The following TERF1 variants were observed in gnomAD, a reference collection of about 807,000 sequenced individuals.
TERF1 encodes the protein telomeric repeat-binding factor 1.
TERF1 carries 20 observed loss-of-function variants against 55.1 expected under a neutral mutation model. The ratio of observed to expected loss-of-function variants is 0.36; its 90% CI spans 0.26 to 0.53. The LOEUF (loss-of-function observed/expected upper bound fraction) is 0.53. TERF1 is among the 20% of genes least tolerant of loss of function. TERF1 has a pLI of 0.91. For missense variants in TERF1, 439 were observed against 535.7 expected (o/e 0.82, Z 1.78); for synonymous variants, 168 against 181.2 (o/e 0.93, Z 0.59).
At chr8:73,015,411 A>G (rs538624104) in intron 2 of TERF1, among the ~76,000 whole-genome samples, 51 of 151,748 alleles carry the variant, frequency 3.4e-4, no homozygotes, top group Admixed American at 8.5e-4. Flanking sequence ...AGCTATGTTA[A>G]GAAAAGTAGG....
intron 4 of TERF1, 35 bp from the exon 5 acceptor site, chr8:73,024,787 G>C (rs762526658): frequency 6.9e-7 from 1 of 1,455,652 alleles, no homozygotes; most frequent in South Asian, 1.3e-5. Flanking sequence ...AACTTTGTGT[G>C]ATTTATGTTA....
Position 73,008,873 on chromosome 8 carries a change from G to C in TERF1, c.-14G>C. On this transcript the variant is annotated 5_prime_UTR_variant, in exon 1 of 10. Coordinates refer to ENST00000276603, the MANE Select transcript of TERF1 (RefSeq NM_017489.3). ...CGGCGCCTGAAGGGGCAGTACCCAA[G>C]CGAGCCATTTAACATGGCGGAGGAT... 4 of 1,593,606 alleles carry C rather than the reference G, an allele frequency of 2.5e-6. No homozygotes were observed. The highest frequency in any genetic ancestry group is 3.4e-6 in the Non-Finnish European group (4 of 1,171,186).
intron 9 of TERF1, among the ~76,000 whole-genome samples, chr8:73,042,199 C>G (rs1462958667): frequency 6.6e-6 from 1 of 152,122 alleles, no homozygotes; most frequent in African/African-American, 2.4e-5. Flanking sequence ...CCCTATAGTT[C>G]TTCCAGCAGC....
In TERF1 at chr8:73,039,172, A is replaced by G. The variant is rs200940062; in HGVS notation, c.1096A>G (p.Lys366Glu). 5.7e-5 allele frequency: 92 copies of G among 1,606,502 alleles called. No individual in the cohort carries two copies. Among genetic ancestry groups the G allele is most frequent in the Non-Finnish European group, 3.4e-6 (4 of 1,176,916 alleles). ...RATESRIPVS[K>E]SQPVTPEKHR... Reference sequence around the variant, plus strand: ...CACTGAAAGCAGAATACCTGTTTCAAAGAGTCAGCCGGTAACTCCTGAAAA... The same window carrying G: ...CACTGAAAGCAGAATACCTGTTTCAGAGAGTCAGCCGGTAACTCCTGAAAA... Residue 366 changes from lysine (K) to glutamate (E), a missense_variant, in exon 9 of 10, where the codon AAG (lysine) becomes GAG (glutamate). Lys to Glu is a moderately conservative substitution (Grantham distance 56). Transcript: ENST00000276603.
chr8:73,027,107 T>A, intron 6 of TERF1, 55 bp downstream of exon 6: 1 of 1,250,556 alleles, frequency 8.0e-7, no homozygotes, highest in Non-Finnish European at 1.1e-6. Flanking sequence ...TCTGTCTTTA[T>A]GTAAAATTGA....
chr8:73,028,963 A>G (rs1809156522), intron 6 of TERF1, among the ~76,000 whole-genome samples: 1 of 152,202 alleles, frequency 6.6e-6, no homozygotes, highest in Admixed American at 6.5e-5. Flanking sequence ...CCAGGCATAC[A>G]TTAGAACTTG....
intron 4 of TERF1, among the ~76,000 whole-genome samples, chr8:73,023,739 T>C (rs1367472924): frequency 1.3e-5 from 2 of 152,218 alleles, no homozygotes; most frequent in Non-Finnish European, 2.9e-5. Flanking sequence ...TATTAAGTAC[T>C]ATATTGAAAT....
chr8:73,008,976 AAC>A lies in TERF1; in HGVS notation c.92_93del (p.Thr31ArgfsTer108). On this transcript the variant is annotated frameshift_variant, in exon 1 of 10. Coordinates refer to ENST00000276603, the MANE Select transcript of TERF1 (RefSeq NM_017489.3). LOFTEE classifies it high-confidence loss of function. ...ADPTEEQMAETERNDEEQFEC... is the reference protein window; with the variant it reads ...ADPTEEQMAEXERNDEEQFEC... ...ACCCTACTGAGGAGCAGATGGCAGA[AAC>A]AGAGAGAAACGACGAGGAGCAGTTC... 1 of 1,612,808 alleles carries A rather than the reference AAC, an allele frequency of 6.2e-7. No homozygotes were observed. Among genetic ancestry groups the A allele is most frequent in the South Asian group, 1.1e-5 (1 of 90,890 alleles).
chr8:73,020,703 T>A lies in TERF1; in HGVS notation c.435T>A (p.Asp145Glu). 14 of 1,600,842 alleles carry A rather than the reference T, an allele frequency of 8.7e-6. No homozygotes were observed. Among genetic ancestry groups the A allele is most frequent in the Non-Finnish European group, 1.2e-5 (14 of 1,175,520 alleles). The part of the protein sequence containing the change: ...GKTLDAQFEN[D>E]ERITPLESAL... ...TAAAAGATGCACAGTTTGAAAATGATGAACGAATTACACCCTTGGAATCAG... is the reference window on the plus strand; with the variant it reads ...TAAAAGATGCACAGTTTGAAAATGAAGAACGAATTACACCCTTGGAATCAG... The change falls in exon 3 of 10, where the codon GAT (aspartate) becomes GAA (glutamate). Residue 145 changes from aspartate (D) to glutamate (E), a missense_variant. Transcript: ENST00000276603.
At chr8:73,043,791 A>G (rs1379876983) in intron 9 of TERF1, among the ~76,000 whole-genome samples, 1 of 152,234 alleles carries the variant, frequency 6.6e-6, no homozygotes, top group Non-Finnish European at 1.5e-5. Flanking sequence ...TAAAAATACT[A>G]CAGCTCAGAT....
At chr8:73,014,133 G>A (rs1191666960) in intron 2 of TERF1, 143 bp downstream of exon 2, 2 of 609,032 alleles carry the variant, frequency 3.3e-6, no homozygotes, top group African/African-American at 1.9e-5. Flanking sequence ...GTGTGTGTGT[G>A]TGTACACATA....
intron 6 of TERF1, among the ~76,000 whole-genome samples, chr8:73,028,590 T>G (rs1202884128): frequency 6.7e-6 from 1 of 149,622 alleles, no homozygotes; most frequent in Admixed American, 6.7e-5. Flanking sequence ...TTTTTTTTTT[T>G]TTTTTACATA....
chr8:73,037,674 TATATATA>T (rs1809609934), intron 8 of TERF1, among the ~76,000 whole-genome samples: 2 of 71,926 alleles, frequency 2.8e-5, no homozygotes, highest in Admixed American at 4.3e-4. Flanking sequence ...AATATTATAT[TATATATA>T]ATATATATTA....
chr8:73,035,208 TCTTC>T (rs1360292958), intron 8 of TERF1, among the ~76,000 whole-genome samples: 1 of 152,178 alleles, frequency 6.6e-6, no homozygotes, highest in Non-Finnish European at 1.5e-5. Flanking sequence ...AGCAAAAATT[TCTTC>T]CACCAATCCC....
At chr8:73,012,810 T>G (rs1363399878) in intron 1 of TERF1, 6 of 419,796 alleles carry the variant, frequency 1.4e-5, no homozygotes, top group Non-Finnish European at 2.9e-5. Flanking sequence ...CATTAAAATT[T>G]TAATTAGTTA....
chr8:73,044,596 A>G (rs1199876430), intron 9 of TERF1, among the ~76,000 whole-genome samples: 1 of 152,188 alleles, frequency 6.6e-6, no homozygotes, highest in Non-Finnish European at 1.5e-5. Flanking sequence ...TTAAGTGTAC[A>G]GTTTGGTAGC....
intron 7 of TERF1, 128 bp from the exon 8 acceptor site, chr8:73,031,914 G>A: frequency 1.8e-6 from 1 of 561,718 alleles, no homozygotes; most frequent in Non-Finnish European, 3.1e-6. Flanking sequence ...AGCAGGGAGA[G>A]CACCAAAGGA....
At chr8:73,025,362 C>T (rs1030490459) in intron 5 of TERF1, among the ~76,000 whole-genome samples, 4 of 152,152 alleles carry the variant, frequency 2.6e-5, no homozygotes, top group Non-Finnish European at 4.4e-5. Flanking sequence ...CGCGGTGGCT[C>T]ATGCCTGTAA....
intron 2 of TERF1, 87 bp from the exon 3 acceptor site, chr8:73,020,597 G>A (rs2129767933): frequency 2.5e-6 from 3 of 1,192,788 alleles, no homozygotes; most frequent in African/African-American, 1.5e-5. Flanking sequence ...TATACACTCA[G>A]TAAATATTTA....
Sources: allele counts gnomAD v4.1 joint callset (sites outside exome capture counted in the v4.1 genomes callset), GRCh38; gene constraint gnomAD v4.1.1; transcripts MANE v1.5; gene names NCBI Gene and HGNC (gene_info 2026-07-23, HGNC 2026-07-21).